The following MOCOS variants were observed in gnomAD, a reference collection of about 807,000 sequenced individuals.
The protein encoded by MOCOS is human molybdenum cofactor sulfurase.
In MOCOS, 86 loss-of-function variants were observed where a neutral mutation model predicts 83.6. The observed-to-expected ratio is 1.03, with a 90% CI of 0.86 to 1.23. The LOEUF (loss-of-function observed/expected upper bound fraction) is 1.23. Ranked by LOEUF, MOCOS falls within the 50% of genes most tolerant of loss-of-function variation. MOCOS has a pLI of 0.00. For synonymous variants in MOCOS, 445 were observed against 434.7 expected (o/e 1.02, Z -0.29); for missense variants, 1,120 against 1,126.9 (o/e 0.99, Z 0.09).
chr18:36,231,162 G>A (rs11081936), intron 9 of MOCOS, among the ~76,000 whole-genome samples: 49,258 of 151,788 alleles, frequency 0.32, 8,567 homozygotes, highest in South Asian at 0.56. Flanking sequence ...CTTACTGAAC[G>A]CTTTTTCTGT....
At chr18:36,199,567 A>T in intron 3 of MOCOS, 116 bp from the exon 4 acceptor site, 1 of 1,536,034 alleles carries the variant, frequency 6.5e-7, no homozygotes, top group Non-Finnish European at 8.9e-7. Flanking sequence ...CAGCTGTGGC[A>T]AACCTATCTA....
chr18:36,253,017 G>A (rs1040864904), intron 11 of MOCOS, among the ~76,000 whole-genome samples: 3 of 152,140 alleles, frequency 2.0e-5, no homozygotes, highest in Admixed American at 1.3e-4. Flanking sequence ...ATTAAAGGGA[G>A]AGAGAAATAG....
rs760111568 is a variant in MOCOS, at chr18:36,251,206, C to T, written c.2087C>T (p.Thr696Ile). 1.2e-6 allele frequency: 2 copies of T among 1,613,694 alleles called. No individual in the cohort carries two copies. The highest frequency in any genetic ancestry group is 1.7e-6 in the Non-Finnish European group (2 of 1,179,608). The stretch of plus-strand genomic sequence containing the variant: ...GAAAAAATTTCAAGCTGGTTGTCAA[C>T]ATTTTTTGGCCGTCCTTGTCATTTG... ...CGEKISSWLS[T>I]FFGRPCHLIK... The change falls in exon 11 of 15, where the codon ACA becomes ATA. Residue 696 changes from threonine (T) to isoleucine (I), a missense_variant. Coordinates refer to ENST00000261326, the MANE Select transcript of MOCOS (RefSeq NM_017947.4).
At chr18:36,237,271 G>C (rs897752009) in intron 9 of MOCOS, among the ~76,000 whole-genome samples, 3 of 149,616 alleles carry the variant, frequency 2.0e-5, no homozygotes, top group Non-Finnish European at 4.4e-5. Context: ...CTGTGGGTTT[G>C]TCATAGATAG....
At chr18:36,219,900 C>G (rs1380473060) in intron 8 of MOCOS, among the ~76,000 whole-genome samples, 155 bp from the exon 9 acceptor site, 1 of 152,158 alleles carries the variant, frequency 6.6e-6, no homozygotes, top group African/African-American at 2.4e-5. Context: ...TTGCACTGTC[C>G]TCTCTGTTTT....
At chr18:36,228,169 T>TA (rs1012327860) in intron 9 of MOCOS, among the ~76,000 whole-genome samples, 2 of 152,016 alleles carry the variant, frequency 1.3e-5, no homozygotes, top group African/African-American at 2.4e-5. Flanking sequence ...TATTAAAAAG[T>TA]AAAAAAATAA....
chr18:36,205,400 TC>T, intron 6 of MOCOS, 124 bp downstream of exon 6: 1 of 973,792 alleles, frequency 1.0e-6, no homozygotes, highest in Non-Finnish European at 1.6e-6. Flanking sequence ...CACATGCCTT[TC>T]CACCTTCATT....
chr18:36,207,270 C>T (rs1412827874), intron 6 of MOCOS, among the ~76,000 whole-genome samples: 2 of 152,334 alleles, frequency 1.3e-5, no homozygotes, highest in South Asian at 2.1e-4. Context: ...CTCCTGGCCT[C>T]ATGCGATCCA....
At chr18:36,245,778 C>T (rs1039561948) in intron 9 of MOCOS, among the ~76,000 whole-genome samples, 2 of 152,114 alleles carry the variant, frequency 1.3e-5, no homozygotes, top group Admixed American at 6.6e-5. Flanking sequence ...TATGTTTGGT[C>T]ATTTAAAATA....
At chr18:36,248,286 A>C (rs960743565) in intron 9 of MOCOS, among the ~76,000 whole-genome samples, 4 of 152,180 alleles carry the variant, frequency 2.6e-5, no homozygotes, top group Non-Finnish European at 4.4e-5. Context: ...TCATTTAAAA[A>C]AATTGAATTA....
At chr18:36,197,146 T>G (rs1171831362) in intron 2 of MOCOS, among the ~76,000 whole-genome samples, 2 of 152,158 alleles carry the variant, frequency 1.3e-5, no homozygotes, top group Admixed American at 6.6e-5. Flanking sequence ...GGCAGCACAG[T>G]GGCCCCCTTC....
chr18:36,254,458 CTGTGTGTGTG>C (rs60813321), intron 11 of MOCOS, among the ~76,000 whole-genome samples: 3,001 of 138,932 alleles, frequency 0.022, 102 homozygotes, highest in African/African-American at 0.075. Context: ...TACATTATCT[CTGTGTGTGTG>C]TGTGTGTGTG....
chr18:36,267,385 T>C (rs2091685431), intron 14 of MOCOS, among the ~76,000 whole-genome samples: 1 of 152,228 alleles, frequency 6.6e-6, no homozygotes, highest in Admixed American at 6.5e-5. Flanking sequence ...GTTAGGACTT[T>C]TTGTTTTCAA....
Position 36,206,873 on chromosome 18 carries a change from C to T in MOCOS, c.1218+1597C>T, listed in dbSNP as rs78872663. Among the ~76,000 whole-genome samples, 631 of 152,254 alleles carry T rather than the reference C, an allele frequency of 4.1e-3. 4 individuals carry two copies. Among genetic ancestry groups the T allele is most frequent in the South Asian group, 0.024 (115 of 4,822 alleles). ...TGTAAATGTACCACATTTCTTTAACCAGTCTACCACTGATGGGCATATAGG... is the reference window on the plus strand; with the variant it reads ...TGTAAATGTACCACATTTCTTTAACTAGTCTACCACTGATGGGCATATAGG... On this transcript the variant is annotated intron_variant, in intron 6 of 14. Coordinates refer to ENST00000261326, the MANE Select transcript of MOCOS (RefSeq NM_017947.4).
chr18:36,202,103 C>T (rs1045150138), intron 4 of MOCOS, among the ~76,000 whole-genome samples: 35 of 152,066 alleles, frequency 2.3e-4, no homozygotes, highest in Admixed American at 4.6e-4. Context: ...TATTTATTTA[C>T]CATTATAAGC....
At chr18:36,237,856 C>A (rs1252863756) in intron 9 of MOCOS, among the ~76,000 whole-genome samples, 1 of 149,686 alleles carries the variant, frequency 6.7e-6, no homozygotes, top group African/African-American at 2.5e-5. Context: ...CTGGTTTAGT[C>A]TTGGGAGAGT....
chr18:36,263,483 A>C (rs538505673), intron 13 of MOCOS, among the ~76,000 whole-genome samples: 1 of 152,358 alleles, frequency 6.6e-6, no homozygotes, highest in South Asian at 2.1e-4. Flanking sequence ...GACTGGAAGG[A>C]TGTCCTTGCA....
chr18:36,251,950 G>A (rs912415850), intron 11 of MOCOS, among the ~76,000 whole-genome samples: 4 of 152,140 alleles, frequency 2.6e-5, no homozygotes, highest in African/African-American at 9.7e-5. Flanking sequence ...AACCTTCCCT[G>A]TCTCATTTTT....
At chr18:36,268,400 T>G in intron 14 of MOCOS, 133 bp from the exon 15 acceptor site, 2 of 1,062,742 alleles carry the variant, frequency 1.9e-6, no homozygotes, top group Non-Finnish European at 2.8e-6. Flanking sequence ...GTGTAACAGA[T>G]AGGAGATATC....
Sources: gnomAD v4.1 joint callset for allele counts (sites outside exome capture counted in the v4.1 genomes callset) on GRCh38, gnomAD v4.1.1 for gene constraint, MANE v1.5 for transcripts, NCBI Gene and HGNC (gene_info 2026-07-23, HGNC 2026-07-21) for gene names.